Variants in FAM107B observed in about 807,000 individuals in gnomAD.
FAM107B encodes the protein family with sequence similarity 107 member B.
Under a neutral mutation model 31.5 loss-of-function variants are expected in FAM107B, and 21 were observed. The ratio of observed to expected loss-of-function variants is 0.67; its 90% CI spans 0.47 to 0.96. The LOEUF (loss-of-function observed/expected upper bound fraction) is 0.96. Ranked by LOEUF, FAM107B falls within the 40% of genes least tolerant of loss-of-function variation. The pLI is 0.00. For missense variants in FAM107B, 452 were observed against 377.1 expected (o/e 1.20, Z -1.64); for synonymous variants, 157 against 141.5 (o/e 1.11, Z -0.78).
intron 1 of FAM107B, among the ~76,000 whole-genome samples, chr10:14,772,362 A>AAAAAT (rs10651238): frequency 0.01 from 1,528 of 145,616 alleles, 24 homozygotes; most frequent in African/African-American, 0.038. Context: ...TTAAAAAAAA[A>AAAAAT]ATATATATAT....
chr10:14,540,136 T>G (rs1387928036), intron 2 of FAM107B, among the ~76,000 whole-genome samples: 1 of 152,172 alleles, frequency 6.6e-6, no homozygotes, highest in Non-Finnish European at 1.5e-5. Context: ...AGAGGTGCAT[T>G]TGAGCTTATT....
chr10:14,525,428 C>T (rs1183982345), intron 3 of FAM107B, among the ~76,000 whole-genome samples: 1 of 152,150 alleles, frequency 6.6e-6, no homozygotes, highest in Non-Finnish European at 1.5e-5. Context: ...AAGTAATATA[C>T]CCATGTGTTA....
At chr10:14,558,894 G>GA (rs775963766) in intron 2 of FAM107B, among the ~76,000 whole-genome samples, 17 of 150,990 alleles carry the variant, frequency 1.1e-4, no homozygotes, top group East Asian at 1.9e-4. Flanking sequence ...AAACGCAGGA[G>GA]AAAAAAAAAC....
At chr10:14,729,594 C>T (rs930575509) in intron 1 of FAM107B, among the ~76,000 whole-genome samples, 1 of 152,100 alleles carries the variant, frequency 6.6e-6, no homozygotes, top group Non-Finnish European at 1.5e-5. Flanking sequence ...ACTGTAGACC[C>T]GTGGTTCACA....
At chr10:14,717,196 G>C (rs564858988) in intron 1 of FAM107B, among the ~76,000 whole-genome samples, 1 of 152,326 alleles carries the variant, frequency 6.6e-6, no homozygotes, top group South Asian at 2.1e-4. Flanking sequence ...AAGGTAGTGA[G>C]CACGTGGTTT....
chr10:14,546,656 T>C (rs71485518), intron 2 of FAM107B, among the ~76,000 whole-genome samples: 2 of 152,184 alleles, frequency 1.3e-5, no homozygotes, highest in African/African-American at 4.8e-5. Context: ...TCAGACACGG[T>C]TATTTAGACA....
At position 14,751,500 on chromosome 10, in the gene FAM107B, A is replaced by ATT. The variant is rs371112027; in HGVS notation, c.411+22751_411+22752dup. 8.2e-3 allele frequency among the ~76,000 whole-genome samples: 1,235 copies of ATT among 150,096 alleles called. 74 individuals are homozygous for ATT. The East Asian group carries it at 0.16, about 19-fold the overall frequency. ...GTTGAATAGAGTGAACTTATATGGGATTTTTTTCTTTTTTTTCTTAGAGAC... is the reference window on the plus strand; with the variant it reads ...GTTGAATAGAGTGAACTTATATGGGATTTTTTTTTCTTTTTTTTCTTAGAGAC... On this transcript the variant is annotated intron_variant, in intron 1 of 4. Transcript: ENST00000181796.
intron 2 of FAM107B, among the ~76,000 whole-genome samples, chr10:14,598,930 G>A (rs1265694749): frequency 1.3e-5 from 2 of 152,160 alleles, no homozygotes; most frequent in Non-Finnish European, 2.9e-5. Flanking sequence ...CTCACCCTGA[G>A]AGGCCAGGCT....
chr10:14,667,546 C>T (rs1854435382), intron 2 of FAM107B, 88 bp downstream of exon 2: 1 of 1,369,520 alleles, frequency 7.3e-7, no homozygotes, highest in Non-Finnish European at 1.0e-6. Flanking sequence ...ACAGGTTTTC[C>T]TTTGCAATCT....
chr10:14,589,039 G>A (rs982633575), intron 2 of FAM107B, among the ~76,000 whole-genome samples: 3 of 151,646 alleles, frequency 2.0e-5, no homozygotes, highest in Non-Finnish European at 2.9e-5. Context: ...AAAATTAGCC[G>A]GGTGTGGTGG....
intron 2 of FAM107B, among the ~76,000 whole-genome samples, chr10:14,618,792 A>T (rs981671552): frequency 6.6e-6 from 1 of 152,126 alleles, no homozygotes; most frequent in Non-Finnish European, 1.5e-5. Flanking sequence ...AGCCGAGATG[A>T]TGCCATTGGG....
chr10:14,738,342 A>G (rs750399165), intron 1 of FAM107B, among the ~76,000 whole-genome samples: 3 of 152,182 alleles, frequency 2.0e-5, no homozygotes, highest in Non-Finnish European at 4.4e-5. Context: ...ACGAGGCACT[A>G]TCTAGGTCAC....
intron 2 of FAM107B, among the ~76,000 whole-genome samples, chr10:14,644,687 A>G (rs1318088391): frequency 1.3e-5 from 2 of 152,244 alleles, no homozygotes; most frequent in African/African-American, 4.8e-5. Flanking sequence ...ATGGCAAGGC[A>G]TTTTAATGGC....
At chr10:14,721,074 C>T (rs1327024354) in intron 1 of FAM107B, among the ~76,000 whole-genome samples, 1 of 152,096 alleles carries the variant, frequency 6.6e-6, no homozygotes, top group African/African-American at 2.4e-5. Flanking sequence ...AATTCCCACC[C>T]ATGAGTGAGA....
intron 2 of FAM107B, among the ~76,000 whole-genome samples, chr10:14,602,073 C>T (rs576179646): frequency 1.6e-4 from 25 of 152,262 alleles, no homozygotes; most frequent in Middle Eastern, 3.4e-3. Flanking sequence ...GTGACATTTC[C>T]TATTGGAGCT....
chr10:14,714,891 AT>A (rs1474048539), intron 1 of FAM107B, among the ~76,000 whole-genome samples: 7 of 152,286 alleles, frequency 4.6e-5, no homozygotes, highest in Middle Eastern at 6.8e-3. Flanking sequence ...ATTTACATAT[AT>A]ATAGCCAGGT....
At chr10:14,662,389 T>G (rs921896945) in intron 2 of FAM107B, among the ~76,000 whole-genome samples, 2 of 151,168 alleles carry the variant, frequency 1.3e-5, no homozygotes, top group African/African-American at 4.9e-5. Context: ...TTTTTTTTTT[T>G]TTTTGGAGAC....
intron 1 of FAM107B, among the ~76,000 whole-genome samples, chr10:14,695,828 A>G (rs1855251705): frequency 6.6e-6 from 1 of 152,186 alleles, no homozygotes; most frequent in South Asian, 2.1e-4. Flanking sequence ...TTGATTTTGT[A>G]TCCTTCAACT....
chr10:14,732,196 A>C (rs1370613786), intron 1 of FAM107B, among the ~76,000 whole-genome samples: 1 of 152,214 alleles, frequency 6.6e-6, no homozygotes. Flanking sequence ...TCATTTTCTT[A>C]CAACGGCTAT....
Sources: allele counts gnomAD v4.1 joint callset (sites outside exome capture counted in the v4.1 genomes callset), GRCh38; gene constraint gnomAD v4.1.1; transcripts MANE v1.5; gene names NCBI Gene and HGNC (gene_info 2026-07-23, HGNC 2026-07-21).